The following EPHA1 variants were observed in gnomAD, a reference collection of about 807,000 sequenced individuals.
EPHA1 encodes EPH receptor A1.
EPHA1 carries 92 observed loss-of-function variants against 110.1 expected under a neutral mutation model. The ratio of observed to expected loss-of-function variants is 0.84; its 90% CI spans 0.71 to 0.99. The LOEUF is 0.99. Ranked by LOEUF, EPHA1 falls within the 50% of genes least tolerant of loss-of-function variation. The probability of loss-of-function intolerance (pLI) is 0.00; values close to 1 mark genes in which losing one functional copy is unlikely to be tolerated. For synonymous variants in EPHA1, 500 were observed against 516.1 expected (o/e 0.97, Z 0.42); for missense variants, 1,204 against 1,285.4 (o/e 0.94, Z 0.97).
chr7:143,401,518 A>G lies in EPHA1; in HGVS notation c.238T>C (p.Trp80Arg). 6.2e-7 allele frequency: 1 copy of G among 1,614,156 alleles called. No individual in the cohort carries two copies. Residue 80 changes from tryptophan (W) to arginine (R), a missense_variant, in exon 3 of 18, where the codon TGG (tryptophan) becomes CGG (arginine). By Grantham distance (101) the Trp-to-Arg change is moderately radical. Transcript: ENST00000275815. The surrounding 1 kb of genome is among the most constrained non-coding windows in gnomAD (Gnocchi z 4.1). Reference protein sequence around the residue: ...PMQGRRDTDHWLRSNWIYRGE... With the variant: ...PMQGRRDTDHRLRSNWIYRGE... ...CGGTAGATCCAATTGGAGCGAAGCC[A>G]GTGGTCAGTGTCTCTGCGTCCTTGC...
At chr7:143,406,620 G>T (rs1229515238) in intron 2 of EPHA1, among the ~76,000 whole-genome samples, 1 of 152,212 alleles carries the variant, frequency 6.6e-6, no homozygotes, top group African/African-American at 2.4e-5. Context: ...GTCTAGAGGA[G>T]GGCAGTCTTG....
intron 2 of EPHA1, among the ~76,000 whole-genome samples, chr7:143,404,671 C>T (rs1419547220): frequency 6.6e-6 from 1 of 151,736 alleles, no homozygotes; most frequent in Non-Finnish European, 1.5e-5. Flanking sequence ...ACTTTCTATC[C>T]TGTCCCATTA....
Position 143,399,787 on chromosome 7 carries a change from G to C in EPHA1, c.699C>G (p.Pro233=). 1.2e-6 allele frequency: 2 copies of C among 1,600,600 alleles called. No homozygotes were observed. The highest frequency in any genetic ancestry group is 1.7e-6 in the Non-Finnish European group (2 of 1,173,642). The change falls in exon 4 of 18, where the codon CCC becomes CCG. Residue 233 remains proline, a synonymous_variant. Transcript: ENST00000275815. Reference sequence around the variant, plus strand: ...AGGGCCTGGGGCTGGCCCGCGCGTGGGGCAAGCAGGTCCCCGCCACTTCCA... The same window carrying C: ...AGGGCCTGGGGCTGGCCCGCGCGTGCGGCAAGCAGGTCCCCGCCACTTCCA... ...GLVEVAGTCL[P]HARASPRPSG... is the part of the protein sequence containing the mutation.
In EPHA1 at chr7:143,397,567, C is replaced by G. The variant is rs776947009; in HGVS notation, c.1706G>C (p.Arg569Pro). 2.5e-6 allele frequency: 4 copies of G among 1,614,082 alleles called. No individual in the cohort carries two copies. In the Admixed American group the frequency reaches 6.7e-5, roughly 27 times the overall value. The change falls in exon 9 of 18, where the codon CGG becomes CCG. Residue 569 changes from arginine to proline, a missense_variant. Physicochemically the swap from Arg to Pro is moderately radical, Grantham distance 103. Transcript: ENST00000275815. ...AALLLGILVFRSRRAQRQRQQ... is the reference protein window; with the variant it reads ...AALLLGILVFPSRRAQRQRQQ... Reference sequence around the variant, plus strand: ...AGGGGGCAGGAGCTGGCACCTGGACCGGAAAACGAGAATCCCAAGCAGCAA... The same window carrying G: ...AGGGGGCAGGAGCTGGCACCTGGACGGGAAAACGAGAATCCCAAGCAGCAA...
intron 16 of EPHA1, among the ~76,000 whole-genome samples, chr7:143,392,340 T>C (rs1320165021): frequency 6.6e-6 from 1 of 152,174 alleles, no homozygotes; most frequent in Non-Finnish European, 1.5e-5. Flanking sequence ...GGAAAAAATA[T>C]CCAGCATTCC....
Position 143,398,894 on chromosome 7 carries a change from A to C in EPHA1, c.1043T>G (p.Leu348Arg). ...TGCTGGGGGTTCCCAACGCAGGGAG[A>C]GCTGAGTCCCTGAGGCAGAGAAGCT... Reference protein sequence around the residue: ...NLSFSASGTQLSLRWEPPADT... With the variant: ...NLSFSASGTQRSLRWEPPADT... Residue 348 changes from leucine to arginine, a missense_variant, in exon 6 of 18, where the codon CTC becomes CGC. Physicochemically the swap from Leu to Arg is moderately radical, Grantham distance 102 (BLOSUM62 -2). Coordinates refer to ENST00000275815, the MANE Select transcript of EPHA1 (RefSeq NM_005232.5). 2 of 1,613,134 alleles carry C rather than the reference A, an allele frequency of 1.2e-6. No individual in the cohort carries two copies. Among genetic ancestry groups the C allele is most frequent in the Admixed American group, 1.7e-5 (1 of 59,944 alleles).
Position 143,391,233 on chromosome 7 carries a change from C to T in EPHA1, c.*224G>A. ...TGTATGTATGTATATATATTAACCC[C>T]TCAGCTCCCTCCCATGATCATCCTT... is the stretch of plus-strand genomic sequence containing the variant. On this transcript the variant is annotated 3_prime_UTR_variant, in exon 18 of 18. Coordinates refer to ENST00000275815, the MANE Select transcript of EPHA1 (RefSeq NM_005232.5). 1.7e-6 allele frequency: 1 copy of T among 587,824 alleles called. No individual in the cohort carries two copies. The highest frequency in any genetic ancestry group is 2.0e-5 in the South Asian group (1 of 49,862). The allele number at this position is 587,824 out of a possible 1,614,324, so 36.4% of individuals were successfully genotyped here. A position where few individuals can be genotyped will look rare whatever the true frequency, so the allele number is the denominator to read the frequency against.
At chr7:143,405,477 G>A (rs1243483685) in intron 2 of EPHA1, among the ~76,000 whole-genome samples, 1 of 151,356 alleles carries the variant, frequency 6.6e-6, no homozygotes, top group Non-Finnish European at 1.5e-5. Flanking sequence ...AAAAGATGGG[G>A]AGAAGGAGGG....
At position 143,391,671 on chromosome 7, in the gene EPHA1, A is replaced by C; in HGVS notation, c.2801T>G (p.Phe934Cys). Residue 934 changes from phenylalanine (F) to cysteine (C), a missense_variant, in exon 17 of 18, where the codon TTC (phenylalanine) becomes TGC (cysteine). By Grantham distance (205) the Phe-to-Cys change is radical. Coordinates refer to ENST00000275815, the MANE Select transcript of EPHA1 (RefSeq NM_005232.5). The part of the protein sequence containing the change: ...SIRMKRYILH[F>C]HSAGLDTMEC... ...CATGGTGTCCAGCCCAGCCGAGTGGAAGTGCAGGATGTAGCGTTTCATGCG... is the reference window on the plus strand; with the variant it reads ...CATGGTGTCCAGCCCAGCCGAGTGGCAGTGCAGGATGTAGCGTTTCATGCG... 6.2e-7 allele frequency: 1 copy of C among 1,614,118 alleles called. No individual in the cohort carries two copies. Among genetic ancestry groups the C allele is most frequent in the Non-Finnish European group, 8.5e-7 (1 of 1,180,032 alleles).
chr7:143,401,547 G>A lies in EPHA1; in HGVS notation c.209C>T (p.Pro70Leu). The A allele has an allele frequency of 6.2e-7, 1 of 1,614,116 alleles. No homozygotes were observed. Among genetic ancestry groups the A allele is most frequent in the Non-Finnish European group, 8.5e-7 (1 of 1,180,032 alleles). ...GTPLYMYQDC[P>L]MQGRRDTDHW... ...GTCAGTGTCTCTGCGTCCTTGCATT[G>A]GGCAGTCCTGGTACATGTACAGGGG... Residue 70 changes from proline to leucine, a missense_variant, in exon 3 of 18, where the codon CCA (proline) becomes CTA (leucine). Transcript: ENST00000275815. This position sits in a 1 kb window ranked among gnomAD's most constrained non-coding sequence, Gnocchi z 4.1.
intron 1 of EPHA1, among the ~76,000 whole-genome samples, chr7:143,408,173 G>T (rs1389092692): frequency 1.3e-5 from 2 of 152,142 alleles, no homozygotes; most frequent in Admixed American, 6.5e-5. Context: ...GTGAAGTGGG[G>T]ATAAGAGGCA....
intron 2 of EPHA1, among the ~76,000 whole-genome samples, chr7:143,407,363 T>C (rs1805580246): frequency 1.3e-5 from 2 of 152,142 alleles, no homozygotes; most frequent in Admixed American, 1.3e-4. Context: ...AGTATCAGCT[T>C]GTATTCACAA....
chr7:143,398,781 A>G lies in EPHA1; in HGVS notation c.1156T>C (p.Cys386Arg). Reference sequence around the variant, plus strand: ...GGCGAGAAGTGCACGCCCACCCCACAGGGCTGGCAGGGCCCCCCGTCCTGT... The same window carrying G: ...GGCGAGAAGTGCACGCCCACCCCACGGGGCTGGCAGGGCCCCCCGTCCTGT... The part of the protein sequence containing the change: ...TAQDGGPCQP[C>R]GVGVHFSPGA... The change falls in exon 6 of 18, where the codon TGT becomes CGT. Residue 386 changes from cysteine (C) to arginine (R), a missense_variant. Transcript: ENST00000275815. The G allele has an allele frequency of 6.2e-7, 1 of 1,613,744 alleles. No homozygotes were observed. Among genetic ancestry groups the G allele is most frequent in the Non-Finnish European group, 8.5e-7 (1 of 1,179,954 alleles).
chr7:143,407,647 T>C lies in EPHA1; in HGVS notation c.114A>G (p.Gly38=), dbSNP rs749044391. The C allele has an allele frequency of 2.5e-6, 4 of 1,613,476 alleles. No homozygotes were observed. The highest frequency in any genetic ancestry group is 1.7e-4 in the Middle Eastern group (1 of 6,050). ...VTLMDTSKAQ[G]ELGWLLDPPK... is the part of the protein sequence containing the mutation. ...GGGGATCCAGCAGCCAGCCCAGCTC[T>C]CCCTGTGCCTTGCTTGTGTCCATCA... The change falls in exon 2 of 18, where the codon GGA becomes GGG. Residue 38 remains glycine, a synonymous_variant. Coordinates refer to ENST00000275815, the MANE Select transcript of EPHA1 (RefSeq NM_005232.5).
Position 143,398,027 on chromosome 7 carries a change from A to G in EPHA1, c.1508T>C (p.Leu503Pro). 11 of 1,614,136 alleles carry G rather than the reference A, an allele frequency of 6.8e-6. No homozygotes were observed. Among genetic ancestry groups the G allele is most frequent in the Non-Finnish European group, 9.3e-6 (11 of 1,180,004 alleles). Residue 503 changes from leucine to proline, a missense_variant, in exon 8 of 18, where the codon CTG becomes CCG. Coordinates refer to ENST00000275815, the MANE Select transcript of EPHA1 (RefSeq NM_005232.5). ...TGTGGTGTCAGGCTGCAGCTCTGTCAGCAAGACCCTGGGTTCTAGAACCAT... is the reference window on the plus strand; with the variant it reads ...TGTGGTGTCAGGCTGCAGCTCTGTCGGCAAGACCCTGGGTTCTAGAACCAT... ...YQMVLEPRVL[L>P]TELQPDTTYI...
chr7:143,394,052 G>C, intron 15 of EPHA1, 142 bp downstream of exon 15: 1 of 1,287,548 alleles, frequency 7.8e-7, no homozygotes, highest in South Asian at 1.5e-5. Context: ...ATGAGGTGAA[G>C]AACCAGAGGA....
chr7:143,397,414 T>C, intron 9 of EPHA1, 52 bp from the exon 10 acceptor site: 1 of 1,549,786 alleles, frequency 6.5e-7, no homozygotes, highest in Non-Finnish European at 8.7e-7. Context: ...ACCTCAGGGG[T>C]CCGAGGGACT....
chr7:143,391,713 TCA>T lies in EPHA1; in HGVS notation c.2757_2758del (p.Glu920ValfsTer31). The T allele has an allele frequency of 6.2e-7, 1 of 1,613,986 alleles. No individual in the cohort carries two copies. The highest frequency in any genetic ancestry group is 8.5e-7 in the Non-Finnish European group (1 of 1,180,020). On this transcript the variant is annotated frameshift_variant, in exon 17 of 18. Transcript: ENST00000275815. LOFTEE classifies it high-confidence loss of function. Reference sequence around the variant, plus strand: ...TTTCATGCGTATGGACTCGAGCCACTCAGAGACGGTTCGATATGGGATCCCAT... The same window carrying T: ...TTTCATGCGTATGGACTCGAGCCACTGAGACGGTTCGATATGGGATCCCAT...
At chr7:143,391,885 T>C (rs969232884) in intron 16 of EPHA1, 110 bp from the exon 17 acceptor site, 165 of 1,510,886 alleles carry the variant, frequency 1.1e-4, no homozygotes, top group Non-Finnish European at 1.4e-4. Context: ...GGCACAGAGA[T>C]CATCTAGACT....
Sources: allele counts gnomAD v4.1 joint callset (sites outside exome capture counted in the v4.1 genomes callset), GRCh38; gene constraint gnomAD v4.1.1; non-coding constraint Gnocchi (gnomAD v3.1); transcripts MANE v1.5; gene names NCBI Gene and HGNC (gene_info 2026-07-23, HGNC 2026-07-21).